LPXN: variants seen among roughly 807,000 people sequenced by gnomAD.
LPXN encodes leupaxin.
In LPXN, 28 loss-of-function variants were observed where a neutral mutation model predicts 45.6. That is an observed-to-expected ratio of 0.61 (90% CI 0.45 to 0.84). The LOEUF (loss-of-function observed/expected upper bound fraction) is 0.84, where lower values mean the gene tolerates loss of function less well. Ranked by LOEUF, LPXN falls within the 40% of genes least tolerant of loss-of-function variation. The pLI is 0.00. For missense variants in LPXN, 459 were observed against 475.0 expected (o/e 0.97, Z 0.31); for synonymous variants, 166 against 169.9 (o/e 0.98, Z 0.18).
chr11:58,544,157 C>T (rs1240230630), intron 7 of LPXN, among the ~76,000 whole-genome samples: 2 of 152,274 alleles, frequency 1.3e-5, no homozygotes, highest in Non-Finnish European at 2.9e-5. Context: ...CAAATGATGT[C>T]TAGGGTCTAT....
At chr11:58,530,059 C>T (rs930732654) in intron 7 of LPXN, among the ~76,000 whole-genome samples, 1 of 152,254 alleles carries the variant, frequency 6.6e-6, no homozygotes, top group Non-Finnish European at 1.5e-5. Context: ...GAGATTCCCT[C>T]TTGTGCCTAC....
chr11:58,551,299 ACT>A (rs1854045353), intron 4 of LPXN, 67 bp from the exon 5 acceptor site: 1 of 1,371,766 alleles, frequency 7.3e-7, no homozygotes. Context: ...TCTTCTAATG[ACT>A]CTATAAATTC....
intron 3 of LPXN, among the ~76,000 whole-genome samples, chr11:58,558,978 T>G (rs923157308): frequency 1.3e-5 from 2 of 151,630 alleles, no homozygotes; most frequent in Admixed American, 1.3e-4. Context: ...AAACATAATA[T>G]TCAAGATTTT....
At chr11:58,563,754 C>A (rs1172836428) in intron 3 of LPXN, among the ~76,000 whole-genome samples, 1 of 152,102 alleles carries the variant, frequency 6.6e-6, no homozygotes, top group Admixed American at 6.5e-5. Flanking sequence ...CCATGGAGAC[C>A]CACTGTCTTA....
chr11:58,527,548 GCACA>G lies in LPXN; in HGVS notation c.1063_1066del (p.Cys355LeufsTer4). On this transcript the variant is annotated frameshift_variant, in exon 9 of 9. Transcript: ENST00000395074. LOFTEE classifies it high-confidence loss of function. ...CTTCGACAACTGTGTCAGGCAGAAA[GCACA>G]CACAAAGTGCTCAGGATGGAACTTG... 6.2e-7 allele frequency: 1 copy of G among 1,614,156 alleles called. No homozygotes were observed. Among genetic ancestry groups the G allele is most frequent in the East Asian group, 2.2e-5 (1 of 44,874 alleles).
At chr11:58,568,533 G>A (rs1854588476) in intron 2 of LPXN, among the ~76,000 whole-genome samples, 1 of 151,380 alleles carries the variant, frequency 6.6e-6, no homozygotes, top group African/African-American at 2.4e-5. Flanking sequence ...AACCTGGGAG[G>A]CAGAGGTGGC....
At chr11:58,543,935 C>T (rs1341043964) in intron 7 of LPXN, among the ~76,000 whole-genome samples, 1 of 152,126 alleles carries the variant, frequency 6.6e-6, no homozygotes, top group African/African-American at 2.4e-5. Flanking sequence ...TGTTGGGAAC[C>T]AAACCATATA....
At chr11:58,575,331 A>T (rs904932565) in intron 1 of LPXN, among the ~76,000 whole-genome samples, 25 of 152,154 alleles carry the variant, frequency 1.6e-4, no homozygotes, top group African/African-American at 5.6e-4. Flanking sequence ...TTATACTTCT[A>T]GTCCGTCTTT....
At chr11:58,537,148 A>T (rs1231593777) in intron 7 of LPXN, among the ~76,000 whole-genome samples, 1 of 152,248 alleles carries the variant, frequency 6.6e-6, no homozygotes, top group Non-Finnish European at 1.5e-5. Context: ...TGACTCAGCA[A>T]TCCCATTACT....
At chr11:58,553,903 C>T (rs1854123709) in intron 4 of LPXN, 1 of 152,282 alleles carries the variant, frequency 6.6e-6, no homozygotes. Context: ...GATTTTATCT[C>T]AATATGGGCT....
chr11:58,536,807 T>C (rs1336187415), intron 7 of LPXN, among the ~76,000 whole-genome samples: 1 of 150,826 alleles, frequency 6.6e-6, no homozygotes, highest in African/African-American at 2.4e-5. Flanking sequence ...TTAAACAAAT[T>C]TACAAGAAAA....
Position 58,549,991 on chromosome 11 carries a change from G to T in LPXN, c.642C>A (p.Cys214Ter). Residue 214 changes from cysteine to a stop codon, truncating the protein, a stop_gained, in exon 6 of 9, where the codon TGC (cysteine) becomes TGA (stop). Coordinates refer to ENST00000395074, the MANE Select transcript of LPXN (RefSeq NM_004811.3). LOFTEE classifies it high-confidence loss of function. ...TACTTACATCCAGGATGGGAGCAGC[G>T]CAGTAAGCACAGCGTGGAGAAAAAA... is the stretch of plus-strand genomic sequence containing the variant. ...HQLFSPRCAY[C>*]AAPILDKVLT... 1 of 1,614,214 alleles carries T rather than the reference G, an allele frequency of 6.2e-7. No individual in the cohort carries two copies. Among genetic ancestry groups the T allele is most frequent in the Non-Finnish European group, 8.5e-7 (1 of 1,180,040 alleles).
chr11:58,570,036 G>A (rs545318994), intron 2 of LPXN, among the ~76,000 whole-genome samples: 1 of 151,786 alleles, frequency 6.6e-6, no homozygotes, highest in East Asian at 1.9e-4. Context: ...GGGCGTGATG[G>A]CTCATGCCTG....
chr11:58,567,369 A>C (rs575325302), intron 2 of LPXN, among the ~76,000 whole-genome samples: 1 of 152,364 alleles, frequency 6.6e-6, no homozygotes, highest in South Asian at 2.1e-4. Context: ...TAGATAAAAA[A>C]CAAAATTGAA....
chr11:58,527,908 C>A, intron 8 of LPXN, 135 bp downstream of exon 8: 1 of 1,184,486 alleles, frequency 8.4e-7, no homozygotes, highest in Non-Finnish European at 1.2e-6. Context: ...GGATCTGTAT[C>A]TCGTTTCTCC....
intron 3 of LPXN, among the ~76,000 whole-genome samples, chr11:58,557,225 T>C (rs1854231179): frequency 6.6e-6 from 1 of 152,148 alleles, no homozygotes; most frequent in African/African-American, 2.4e-5. Flanking sequence ...TACCACTTCG[T>C]AAAGATCTCT....
intron 7 of LPXN, among the ~76,000 whole-genome samples, chr11:58,541,154 A>G (rs1271249395): frequency 1.3e-5 from 2 of 152,228 alleles, no homozygotes; most frequent in African/African-American, 4.8e-5. Context: ...CTAAAACAAA[A>G]AAAGCAATGG....
intron 7 of LPXN, among the ~76,000 whole-genome samples, chr11:58,546,423 C>G (rs1853877799): frequency 1.3e-5 from 2 of 152,134 alleles, no homozygotes; most frequent in South Asian, 4.1e-4. Context: ...TGTTGGACAC[C>G]ATGAGGAAAC....
At chr11:58,577,584 G>A (rs1590599931), upstream of LPXN, among the ~76,000 whole-genome samples, 1 of 152,192 alleles carries the variant, frequency 6.6e-6, no homozygotes, top group Admixed American at 6.5e-5. Flanking sequence ...AAATGGGAGA[G>A]GCCCACTGCA....
Sources: allele counts gnomAD v4.1 joint callset (sites outside exome capture counted in the v4.1 genomes callset), GRCh38; gene constraint gnomAD v4.1.1; transcripts MANE v1.5; gene names NCBI Gene and HGNC (gene_info 2026-07-23, HGNC 2026-07-21).